SEPSECS: variants seen among roughly 807,000 people sequenced by gnomAD.
SEPSECS encodes Sep (O-phosphoserine) tRNA:Sec (selenocysteine) tRNA synthase.
SEPSECS carries 42 observed loss-of-function variants against 52.1 expected under a neutral mutation model. The ratio of observed to expected loss-of-function variants is 0.81; its 90% CI spans 0.63 to 1.04. SEPSECS has a LOEUF of 1.04. Among genes scored for constraint, SEPSECS ranks in the 50% least tolerant of loss-of-function variants. The pLI, the probability that SEPSECS is intolerant of heterozygous loss-of-function variation, is 0.00. For synonymous variants in SEPSECS, 216 were observed against 211.4 expected (o/e 1.02, Z -0.19); for missense variants, 590 against 610.6 (o/e 0.97, Z 0.36).
rs2109477655 is a variant in SEPSECS at position 25,123,800 on chromosome 4, A to C, written c.*131T>G. 1.3e-6 allele frequency: 1 copy of C among 790,772 alleles called. No homozygotes were observed. Among genetic ancestry groups the C allele is most frequent in the Non-Finnish European group, 2.1e-6 (1 of 470,062 alleles). The allele number at this position is 790,772 out of a possible 1,614,324, so 49.0% of individuals were successfully genotyped here. A position where few individuals can be genotyped will look rare whatever the true frequency, so the allele number is the denominator to read the frequency against. On this transcript the variant is annotated 3_prime_UTR_variant, in exon 11 of 11. Transcript: ENST00000382103. ...AATCATCAATGGCTAGTTCAGACCAAAGTCTGCTCCTTGACTGAATATTCC... is the reference window on the plus strand; with the variant it reads ...AATCATCAATGGCTAGTTCAGACCACAGTCTGCTCCTTGACTGAATATTCC...
At chr4:25,155,431 A>T (rs1712565436) in intron 4 of SEPSECS, among the ~76,000 whole-genome samples, 1 of 152,264 alleles carries the variant, frequency 6.6e-6, no homozygotes. Flanking sequence ...AATGTTAAAT[A>T]GATATCTATA....
chr4:25,151,649 T>C (rs1032820955), intron 6 of SEPSECS, among the ~76,000 whole-genome samples: 1 of 152,174 alleles, frequency 6.6e-6, no homozygotes, highest in African/African-American at 2.4e-5. Flanking sequence ...TCTTTTTAAA[T>C]GGTATAATCC....
intron 8 of SEPSECS, among the ~76,000 whole-genome samples, chr4:25,131,085 C>T (rs1728587987): frequency 6.6e-6 from 1 of 152,104 alleles, no homozygotes; most frequent in African/African-American, 2.4e-5. Flanking sequence ...AATAAAAATA[C>T]AAAACTTTAC....
intron 8 of SEPSECS, among the ~76,000 whole-genome samples, chr4:25,135,447 A>C (rs888241113): frequency 1.3e-5 from 2 of 152,194 alleles, no homozygotes; most frequent in African/African-American, 2.4e-5. Flanking sequence ...CTATGAAAAT[A>C]AACTAGAAAA....
At chr4:25,146,863 T>C (rs1258005210) in intron 6 of SEPSECS, among the ~76,000 whole-genome samples, 1 of 152,150 alleles carries the variant, frequency 6.6e-6, no homozygotes, top group East Asian at 1.9e-4. Flanking sequence ...CACCAAAAAA[T>C]CTCATATGGG....
intron 10 of SEPSECS, among the ~76,000 whole-genome samples, chr4:25,124,807 A>C (rs1226607014): frequency 6.6e-6 from 1 of 152,076 alleles, no homozygotes; most frequent in African/African-American, 2.4e-5. Flanking sequence ...GTCAGCAAAC[A>C]GTAATATTTA....
chr4:25,147,899 AG>A (rs941526048), intron 6 of SEPSECS, among the ~76,000 whole-genome samples: 1 of 152,230 alleles, frequency 6.6e-6, no homozygotes, highest in African/African-American at 2.4e-5. Context: ...GTTTTTTAAC[AG>A]AAAAATGGGA....
chr4:25,139,741 C>T (rs145300160), intron 8 of SEPSECS, among the ~76,000 whole-genome samples: 201 of 152,110 alleles, frequency 1.3e-3, no homozygotes, highest in Non-Finnish European at 2.4e-3. Flanking sequence ...GAATAAATTA[C>T]TGTAACCATG....
At chr4:25,126,251 G>A (rs1184132356) in intron 9 of SEPSECS, among the ~76,000 whole-genome samples, 1 of 152,080 alleles carries the variant, frequency 6.6e-6, no homozygotes, top group Non-Finnish European at 1.5e-5. Context: ...CATTTACTAA[G>A]GACTCGCCAT....
chr4:25,129,433 G>C (rs1213821659), intron 8 of SEPSECS, among the ~76,000 whole-genome samples: 1 of 151,792 alleles, frequency 6.6e-6, no homozygotes, highest in African/African-American at 2.4e-5. Flanking sequence ...AGACCAGCCT[G>C]GCCAACATGG....
At chr4:25,151,859 ATAAC>A (rs1268532372) in intron 6 of SEPSECS, 97 bp downstream of exon 6, 1 of 737,716 alleles carries the variant, frequency 1.4e-6, no homozygotes, top group Non-Finnish European at 2.5e-6. Context: ...ATGGTCATAA[ATAAC>A]TGTTTTACTA....
intron 8 of SEPSECS, among the ~76,000 whole-genome samples, chr4:25,127,970 T>TGATGA (rs1197772853): frequency 2.0e-5 from 3 of 152,208 alleles, no homozygotes; most frequent in African/African-American, 7.2e-5. Flanking sequence ...TTTCCCTGCA[T>TGATGA]TTCCTAGATC....
chr4:25,151,289 A>G (rs1712285672), intron 6 of SEPSECS, among the ~76,000 whole-genome samples: 1 of 152,214 alleles, frequency 6.6e-6, no homozygotes, highest in South Asian at 2.1e-4. Flanking sequence ...AGCAAGAGCA[A>G]AGGCCTGGAA....
intron 6 of SEPSECS, among the ~76,000 whole-genome samples, chr4:25,149,215 A>AC (rs1333286375): frequency 1.3e-5 from 2 of 151,728 alleles, no homozygotes; most frequent in African/African-American, 4.8e-5. Context: ...ACACCACCAC[A>AC]CCCAGAGAAT....
chr4:25,131,453 CAGATGT>C (rs1482691836), intron 8 of SEPSECS, among the ~76,000 whole-genome samples: 1 of 152,164 alleles, frequency 6.6e-6, no homozygotes, highest in African/African-American at 2.4e-5. Flanking sequence ...TTGAAGCAGA[CAGATGT>C]CCATATTGGA....
At chr4:25,134,124 CAAAAAAAAAAAA>C (rs34672005) in intron 8 of SEPSECS, among the ~76,000 whole-genome samples, 9 of 13,176 alleles carry the variant, frequency 6.8e-4, no homozygotes, top group African/African-American at 1.4e-3. Context: ...GACCCCATCT[CAAAAAAAAAAAA>C]AAAAAAAAAA....
In SEPSECS at chr4:25,140,501, T is replaced by C. The variant is rs116618950; in HGVS notation, c.1026+4273A>G. On this transcript the variant is annotated intron_variant, in intron 8 of 10. Coordinates refer to ENST00000382103, the MANE Select transcript of SEPSECS (RefSeq NM_016955.4). ...GGAGACCCAATTGCCTAGATTTCGG[T>C]CCATATTCCACAATTCACCTCATAC... Among the ~76,000 whole-genome samples, 1,046 of 152,284 alleles carry C rather than the reference T, an allele frequency of 6.9e-3. 7 individuals carry two copies. Among genetic ancestry groups the C allele is most frequent in the Non-Finnish European group, 9.7e-3 (663 of 68,022 alleles).
At position 25,152,049 on chromosome 4, in the gene SEPSECS, C is replaced by T. The variant is rs267607035; in HGVS notation, c.715G>A (p.Ala239Thr). The T allele has an allele frequency of 1.2e-5, 19 of 1,556,290 alleles. No homozygotes were observed. The highest frequency in any genetic ancestry group is 5.0e-5 in the Admixed American group (3 of 59,900). The change falls in exon 6 of 11, where the codon GCT (alanine) becomes ACT (threonine). Residue 239 changes from alanine to threonine, a missense_variant. Transcript: ENST00000382103. ...ATGTCATAATTAGCACAAATCACAG[C>T]CAGTTCTTCTAATCTATAAACATAA... Reference protein sequence around the residue: ...PRVPDRLEELAVICANYDIPH... With the variant: ...PRVPDRLEELTVICANYDIPH...
intron 6 of SEPSECS, among the ~76,000 whole-genome samples, chr4:25,150,391 C>A (rs117486595): frequency 6.6e-6 from 1 of 152,150 alleles, no homozygotes; most frequent in Admixed American, 6.5e-5. Flanking sequence ...TTGTCCATTA[C>A]GTACCAGATA....
Sources: allele counts gnomAD v4.1 joint callset (sites outside exome capture counted in the v4.1 genomes callset), GRCh38; gene constraint gnomAD v4.1.1; transcripts MANE v1.5; gene names NCBI Gene and HGNC (gene_info 2026-07-23, HGNC 2026-07-21).